The following SLC22A31 variants were observed in gnomAD, a reference collection of about 807,000 sequenced individuals.
SLC22A31 encodes the protein putative solute carrier family 22 member 31.
In SLC22A31, 42 loss-of-function variants were observed where a neutral mutation model predicts 27.4. The observed-to-expected ratio is 1.53, with a 90% CI of 1.20 to 1.98. The LOEUF (loss-of-function observed/expected upper bound fraction) is 1.98, where lower values mean the gene tolerates loss of function less well. Among genes scored for constraint, SLC22A31 ranks in the 30% most tolerant of loss-of-function variants. The probability of loss-of-function intolerance (pLI) is 0.00; values close to 1 mark genes in which losing one functional copy is unlikely to be tolerated. For synonymous variants in SLC22A31, 290 were observed against 230.8 expected (o/e 1.26, Z -2.33); for missense variants, 593 against 479.9 (o/e 1.24, Z -2.20).
chr16:89,201,114 G>C (rs1916568032), upstream of SLC22A31: 1 of 375,950 alleles, frequency 2.7e-6, no homozygotes, highest in East Asian at 3.9e-5. Context: ...CGGCACCGTC[G>C]GGCCGGCGGC....
chr16:89,196,176 G>C lies in SLC22A31; in HGVS notation c.1164C>G (p.Ala388=), dbSNP rs1380885940. ...CAGGCAGCAGCAGGACACACAGCAG[G>C]GCAAGGACAGCAAGGGAGGCGAAGA... ...QVVFASLAVL[A]LLCVLLLPES... is the part of the protein sequence containing the mutation. The change falls in exon 9 of 9, where the codon GCC becomes GCG. Residue 388 remains alanine (A), a synonymous_variant. Coordinates refer to ENST00000682282, the MANE Select transcript of SLC22A31 (RefSeq NM_001384763.1). 3.3e-6 allele frequency: 5 copies of C among 1,535,218 alleles called. No homozygotes were observed. Among genetic ancestry groups the C allele is most frequent in the Non-Finnish European group, 4.4e-6 (5 of 1,146,516 alleles).
chr16:89,198,022 C>A, intron 7 of SLC22A31, 100 bp downstream of exon 7: 1 of 1,354,862 alleles, frequency 7.4e-7, no homozygotes, highest in Non-Finnish European at 9.9e-7. Flanking sequence ...TGGGCTGCCA[C>A]CCCAGGCTGC....
At position 89,199,712 on chromosome 16, in the gene SLC22A31, C is replaced by T. The variant is rs1481528029; in HGVS notation, c.128+1G>A. On this transcript the variant is annotated splice_donor_variant, in intron 2 of 8. Transcript: ENST00000682282. LOFTEE classifies it high-confidence loss of function. The stretch of plus-strand genomic sequence containing the variant: ...CAGCAGGAAAAGGGAAGGGGCCTCA[C>T]CGGTCACAGCCTGCTCCCAGGATGA... 1.5e-5 allele frequency: 6 copies of T among 405,406 alleles called. No individual in the cohort carries two copies. The highest frequency in any genetic ancestry group is 2.6e-5 in the Non-Finnish European group (6 of 228,640). The allele number at this position is 405,406 out of a possible 1,614,324, so 25.1% of individuals were successfully genotyped here. A position where few individuals can be genotyped will look rare whatever the true frequency, so the allele number is the denominator to read the frequency against.
chr16:89,198,948 G>A (rs1464105266), intron 4 of SLC22A31, 75 bp downstream of exon 4: 66 of 1,504,486 alleles, frequency 4.4e-5, no homozygotes, highest in Non-Finnish European at 5.9e-5. Context: ...ACCTGGCATG[G>A]GATACGTCGG....
chr16:89,199,223 C>A (rs1172217572), intron 3 of SLC22A31, 32 bp from the exon 4 acceptor site: 2 of 1,500,588 alleles, frequency 1.3e-6, no homozygotes, highest in Non-Finnish European at 1.8e-6. Context: ...GAAGTGGAGG[C>A]CTCGGGGAGG....
chr16:89,201,591 G>C (rs1356610792), upstream of SLC22A31: 1 of 398,480 alleles, frequency 2.5e-6, no homozygotes, highest in African/African-American at 2.1e-5. Flanking sequence ...GGGTACCCAC[G>C]AGGCGGAGGC....
rs1198364612 is a variant in SLC22A31 at position 89,199,396 on chromosome 16, G to C, written c.283+17C>G. The C allele has an allele frequency of 3.2e-5, 19 of 592,274 alleles. No individual in the cohort carries two copies. The highest frequency in any genetic ancestry group is 5.4e-5 in the Non-Finnish European group (18 of 335,006). 36.7% of individuals were successfully genotyped at this position (592,274 alleles called of 1,614,324 possible). On this transcript the variant is annotated intron_variant, in intron 3 of 8. Transcript: ENST00000682282. ...CACTGCCCCTCCCCCAGTGACAGCAGCCCCCAGGGTACTCACGAGCCAGAT... is the reference window on the plus strand; with the variant it reads ...CACTGCCCCTCCCCCAGTGACAGCACCCCCCAGGGTACTCACGAGCCAGAT...
Position 89,198,790 on chromosome 16 carries a change from C to A in SLC22A31, c.460G>T (p.Ala154Ser), listed in dbSNP as rs975276413. The change falls in exon 5 of 9, where the codon GCC becomes TCC. Residue 154 changes from alanine (A) to serine (S), a missense_variant. Coordinates refer to ENST00000682282, the MANE Select transcript of SLC22A31 (RefSeq NM_001384763.1). Reference protein sequence around the residue: ...GLLLLFWGFPALFPESPCWLL... With the variant: ...GLLLLFWGFPSLFPESPCWLL... ...CAGCAGGGAGACTCGGGGAACAGGGCCGGGAACCTGCAGCGTTGGTGAGGA... is the reference window on the plus strand; with the variant it reads ...CAGCAGGGAGACTCGGGGAACAGGGACGGGAACCTGCAGCGTTGGTGAGGA... 2 of 1,529,794 alleles carry A rather than the reference C, an allele frequency of 1.3e-6. No individual in the cohort carries two copies. Among genetic ancestry groups the A allele is most frequent in the African/African-American group, 2.7e-5 (2 of 72,922 alleles). 94.8% of individuals were successfully genotyped at this position (1,529,794 alleles called of 1,614,324 possible). A position where few individuals can be genotyped will look rare whatever the true frequency, so the allele number is the denominator to read the frequency against.
chr16:89,198,497 C>A lies in SLC22A31; in HGVS notation c.652G>T (p.Gly218Trp), dbSNP rs748308194. ...SPQPRYHSPL[G>W]LLRTRVTWRN... Reference sequence around the variant, plus strand: ...CAGGTGACTCGGGTACGCAGAAGCCCCAGTGGGGAGTGGTACCGGGGCTGG... The same window carrying A: ...CAGGTGACTCGGGTACGCAGAAGCCACAGTGGGGAGTGGTACCGGGGCTGG... Residue 218 changes from glycine to tryptophan, a missense_variant, in exon 6 of 9, where the codon GGG (glycine) becomes TGG (tryptophan). Gly to Trp is a radical substitution (Grantham distance 184). Transcript: ENST00000682282. 2.0e-5 allele frequency: 31 copies of A among 1,518,466 alleles called. No homozygotes were observed. Among genetic ancestry groups the A allele is most frequent in the Non-Finnish European group, 2.7e-5 (31 of 1,137,424 alleles). 94.1% of individuals were successfully genotyped at this position (1,518,466 alleles called of 1,614,324 possible).
chr16:89,198,988 A>G, intron 4 of SLC22A31, 35 bp downstream of exon 4: 5 of 1,528,412 alleles, frequency 3.3e-6, no homozygotes, highest in Non-Finnish European at 4.4e-6. Context: ...GTCAGCCCCG[A>G]TGAGGGCTGC....
intron 1 of SLC22A31, chr16:89,200,058 C>T: frequency 2.7e-6 from 1 of 373,478 alleles, no homozygotes; most frequent in Non-Finnish European, 4.7e-6. Context: ...AAGTTTTCTG[C>T]TTGTCCCTAG....
chr16:89,199,202 A>T lies in SLC22A31; in HGVS notation c.284-11T>A. ...CACACAACTCCAGGCCTGGGCAGAC[A>T]CAGACAGGTTGAAGTGGAGGCCTCG... On this transcript the variant is annotated splice_polypyrimidine_tract_variant and intron_variant, in intron 3 of 8. Coordinates refer to ENST00000682282, the MANE Select transcript of SLC22A31 (RefSeq NM_001384763.1). 1 of 1,519,524 alleles carries T rather than the reference A, an allele frequency of 6.6e-7. No homozygotes were observed. The highest frequency in any genetic ancestry group is 8.8e-7 in the Non-Finnish European group (1 of 1,138,602). The allele number at this position is 1,519,524 out of a possible 1,614,324, so 94.1% of individuals were successfully genotyped here.
chr16:89,199,238 G>A, intron 3 of SLC22A31, 47 bp from the exon 4 acceptor site: 2 of 1,479,058 alleles, frequency 1.4e-6, no homozygotes, highest in Non-Finnish European at 1.8e-6. Flanking sequence ...GGGAGGACTG[G>A]AACAGTTCCA....
Position 89,197,377 on chromosome 16 carries a change from C to A in SLC22A31, c.955G>T (p.Val319Phe). The A allele has an allele frequency of 1.3e-6, 2 of 1,535,778 alleles. No homozygotes were observed. Among genetic ancestry groups the A allele is most frequent in the African/African-American group, 1.4e-5 (1 of 73,158 alleles). Residue 319 changes from valine (V) to phenylalanine (F), a missense_variant, in exon 8 of 9, where the codon GTC becomes TTC. Val to Phe is a conservative substitution (Grantham distance 50). Coordinates refer to ENST00000682282, the MANE Select transcript of SLC22A31 (RefSeq NM_001384763.1). ...LPGWTVLFLS[V>F]LGLLASRAVS... ...GCCCGGGAGGCCAGGAGCCCCAGGACAGAGAGGAACAGCACAGTCCAGCCT... is the reference window on the plus strand; with the variant it reads ...GCCCGGGAGGCCAGGAGCCCCAGGAAAGAGAGGAACAGCACAGTCCAGCCT...
intron 8 of SLC22A31, chr16:89,196,508 A>G: frequency 2.2e-6 from 2 of 907,254 alleles, no homozygotes; most frequent in Non-Finnish European, 3.2e-6. Flanking sequence ...GTGGGGCAAC[A>G]GATTGGGGGA....
chr16:89,199,301 G>A (rs1033810792), intron 3 of SLC22A31, 110 bp from the exon 4 acceptor site: 8 of 1,117,174 alleles, frequency 7.2e-6, no homozygotes, highest in Non-Finnish European at 9.9e-6. Context: ...GATGCCCAAG[G>A]GACTCACTGC....
rs1389937169 is a variant in SLC22A31 at position 89,196,298 on chromosome 16, C to G, written c.1042G>C (p.Gly348Arg). ...EVFPTVIRGA[G>R]LGLVLGAGFL... ...CCGGCCCCCAGCACCAGGCCCAGCC[C>G]GGCCCCCCTGTGGGACAGAGTGTGT... Residue 348 changes from glycine to arginine, a missense_variant, in exon 9 of 9, where the codon GGG becomes CGG. Coordinates refer to ENST00000682282, the MANE Select transcript of SLC22A31 (RefSeq NM_001384763.1). 2.7e-6 allele frequency: 4 copies of G among 1,503,122 alleles called. No individual in the cohort carries two copies. The highest frequency in any genetic ancestry group is 2.7e-6 in the Non-Finnish European group (3 of 1,131,316). 93.1% of individuals were successfully genotyped at this position (1,503,122 alleles called of 1,614,324 possible).
chr16:89,197,466 A>T, intron 7 of SLC22A31, 57 bp from the exon 8 acceptor site: 1 of 1,268,440 alleles, frequency 7.9e-7, no homozygotes, highest in Non-Finnish European at 1.1e-6. Context: ...CACCCTGGCC[A>T]CTCAGGGCCC....
At chr16:89,201,015 C>G (rs985302894), upstream of SLC22A31, 3 of 354,972 alleles carry the variant, frequency 8.5e-6, no homozygotes, top group Non-Finnish European at 1.0e-5. Context: ...TCCAGCGCCC[C>G]AGGCCGCCCC....
Sources: gnomAD v4.1 joint callset for allele counts on GRCh38, gnomAD v4.1.1 for gene constraint, MANE v1.5 for transcripts, NCBI Gene and HGNC (gene_info 2026-07-23, HGNC 2026-07-21) for gene names.